MTRF1L: variants seen among roughly 807,000 people sequenced by gnomAD.
MTRF1L encodes the protein mitochondrial translation release factor 1 like.
Under a neutral mutation model 40.0 loss-of-function variants are expected in MTRF1L, and 29 were observed. That is an observed-to-expected ratio of 0.73 (90% CI 0.54 to 0.99). The LOEUF (loss-of-function observed/expected upper bound fraction) is 0.99. MTRF1L is among the 50% of genes least tolerant of loss of function. The probability of loss-of-function intolerance (pLI) is 0.00; values close to 1 mark genes in which losing one functional copy is unlikely to be tolerated. For missense variants in MTRF1L, 412 were observed against 464.5 expected (o/e 0.89, Z 1.04); for synonymous variants, 150 against 175.8 (o/e 0.85, Z 1.16).
intron 2 of MTRF1L, among the ~76,000 whole-genome samples, chr6:152,997,780 A>G (rs180751924): frequency 1.3e-5 from 2 of 152,172 alleles, no homozygotes; most frequent in Non-Finnish European, 2.9e-5. Flanking sequence ...CCTCTCATCA[A>G]ACAGGCAATT....
chr6:153,000,867 AT>A (rs10536494), intron 1 of MTRF1L, among the ~76,000 whole-genome samples: 4,208 of 100,456 alleles, frequency 0.042, 115 homozygotes, highest in African/African-American at 0.13. Flanking sequence ...GGTACTACGG[AT>A]TTTTTTTTTT....
rs1562300593 is a variant in MTRF1L, at chr6:152,994,537, T to C, written c.663A>G (p.Val221=). ...CCTCAGTAGGCTGGGGTAATATTGC[T>C]ACAGTCATGGTGCTAGTATGGACGC... is the stretch of plus-strand genomic sequence containing the variant. ...QGRVHTSTMT[V]AILPQPTEIN... Residue 221 remains valine (V), a synonymous_variant, in exon 4 of 7, where the codon GTA becomes GTG. Transcript: ENST00000367233. The C allele has an allele frequency of 1.9e-6, 3 of 1,611,636 alleles. No homozygotes were observed. Among genetic ancestry groups the C allele is most frequent in the Non-Finnish European group, 2.5e-6 (3 of 1,179,690 alleles).
Position 153,002,416 on chromosome 6 carries a change from C to G in MTRF1L, c.259+11G>C, listed in dbSNP as rs771338565. On this transcript the variant is annotated intron_variant, in intron 1 of 6. Transcript: ENST00000367233. Reference sequence around the variant, plus strand: ...GTGCTCTGACGCCTCTCCCCCGGGCCCGACCCTTACCGTGCAGCAAGTGCT... The same window carrying G: ...GTGCTCTGACGCCTCTCCCCCGGGCGCGACCCTTACCGTGCAGCAAGTGCT... The G allele has an allele frequency of 4.3e-6, 7 of 1,613,972 alleles. No individual in the cohort carries two copies. The highest frequency in any genetic ancestry group is 1.1e-5 in the South Asian group (1 of 91,082).
chr6:152,998,695 G>T, intron 1 of MTRF1L, 66 bp from the exon 2 acceptor site: 2 of 1,100,060 alleles, frequency 1.8e-6, no homozygotes, highest in Admixed American at 2.8e-5. Flanking sequence ...CAGACTTCTA[G>T]GAAATAGTTT....
At chr6:152,991,102 T>TATAC in intron 6 of MTRF1L, 83 bp downstream of exon 6, 1 of 853,828 alleles carries the variant, frequency 1.2e-6, no homozygotes, top group African/African-American at 2.0e-5. Context: ...AACAAATATA[T>TATAC]AAAAACCAAG....
chr6:153,002,601 C>G lies in MTRF1L; in HGVS notation c.85G>C (p.Gly29Arg). 6.5e-7 allele frequency: 1 copy of G among 1,550,118 alleles called. No individual in the cohort carries two copies. Among genetic ancestry groups the G allele is most frequent in the Non-Finnish European group, 8.7e-7 (1 of 1,148,070 alleles). The change falls in exon 1 of 7, where the codon GGT becomes CGT. Residue 29 changes from glycine (G) to arginine (R), a missense_variant. Gly to Arg is a moderately radical substitution (Grantham distance 125). Transcript: ENST00000367233. The part of the protein sequence containing the change: ...VGPARRPLSS[G>R]SPPLEELFTR... Reference sequence around the variant, plus strand: ...AACAGCTCCTCCAGCGGCGGGCTACCGGAGCTCAGGGGCCGGCGGGCTGGG... The same window carrying G: ...AACAGCTCCTCCAGCGGCGGGCTACGGGAGCTCAGGGGCCGGCGGGCTGGG...
chr6:152,992,752 G>A, intron 5 of MTRF1L, 105 bp downstream of exon 5: 2 of 807,296 alleles, frequency 2.5e-6, no homozygotes, highest in East Asian at 2.5e-5. Flanking sequence ...ATCCTTAGAA[G>A]TATATACTTC....
intron 1 of MTRF1L, among the ~76,000 whole-genome samples, chr6:153,001,165 G>A (rs1778903218): frequency 6.6e-6 from 1 of 152,146 alleles, no homozygotes; most frequent in African/African-American, 2.4e-5. Flanking sequence ...GAGCCACCAC[G>A]CCTGGCCAAG....
chr6:152,991,136 A>G (rs1778496807), intron 6 of MTRF1L, 49 bp downstream of exon 6: 1 of 1,265,274 alleles, frequency 7.9e-7, no homozygotes, highest in Non-Finnish European at 1.1e-6. Flanking sequence ...GCTGAGTTAT[A>G]TAAAAATATT....
chr6:152,990,288 T>G (rs1411555650), intron 6 of MTRF1L, 193 bp from the exon 7 acceptor site: 33 of 823,756 alleles, frequency 4.0e-5, no homozygotes, highest in Middle Eastern at 3.7e-4. Context: ...AAAATCAGAT[T>G]AATATCTGAA....
chr6:152,990,412 C>G (rs2236015), intron 6 of MTRF1L: 71,190 of 258,338 alleles, frequency 0.28, 10,144 homozygotes, highest in East Asian at 0.35. Context: ...CACATAGATG[C>G]TATTCCTATA....
At chr6:153,000,388 T>C (rs1190750808) in intron 1 of MTRF1L, among the ~76,000 whole-genome samples, 2 of 152,228 alleles carry the variant, frequency 1.3e-5, no homozygotes, top group African/African-American at 4.8e-5. Context: ...CAATTCAGAC[T>C]AGCCACAAAT....
intron 4 of MTRF1L, among the ~76,000 whole-genome samples, chr6:152,993,662 G>GATGAT (rs1208057373): frequency 6.6e-6 from 1 of 152,198 alleles, no homozygotes. Flanking sequence ...AGAGGAATTA[G>GATGAT]ATGATACATG....
At chr6:152,997,260 A>G (rs1334001708) in intron 2 of MTRF1L, among the ~76,000 whole-genome samples, 2 of 152,322 alleles carry the variant, frequency 1.3e-5, no homozygotes, top group East Asian at 3.9e-4. Context: ...CCCTAATTGA[A>G]GAAGACTGAT....
chr6:153,002,517 A>C lies in MTRF1L; in HGVS notation c.169T>G (p.Leu57Val). The change falls in exon 1 of 7, where the codon TTG (leucine) becomes GTG (valine). Residue 57 changes from leucine to valine, a missense_variant. Transcript: ENST00000367233. ...AGCAACTCGGGCCTCCTGACCTTCA[A>C]ATGGGCTTCAGACCCCGCCTGGCGC... ...LERQAGSEAHLKVRRPELLAV... is the reference protein window; with the variant it reads ...LERQAGSEAHVKVRRPELLAV... 1 of 1,611,848 alleles carries C rather than the reference A, an allele frequency of 6.2e-7. No homozygotes were observed. The highest frequency in any genetic ancestry group is 8.5e-7 in the Non-Finnish European group (1 of 1,179,412).
Position 152,998,613 on chromosome 6 carries a change from T to C in MTRF1L, c.276A>G (p.Leu92=). ...EHLLHDENED[L]RKLAENEITL... ...TGATTTCATTCTCTGCAAGTTTCCT[T>C]AAATCTTCATTCTCATCTAGGAAAA... The change falls in exon 2 of 7, where the codon TTA becomes TTG. Residue 92 remains leucine, a synonymous_variant. Coordinates refer to ENST00000367233, the MANE Select transcript of MTRF1L (RefSeq NM_019041.7). The C allele has an allele frequency of 6.3e-7, 1 of 1,594,978 alleles. No individual in the cohort carries two copies. Among genetic ancestry groups the C allele is most frequent in the Non-Finnish European group, 8.5e-7 (1 of 1,173,124 alleles).
chr6:152,995,193 A>T lies in MTRF1L; in HGVS notation c.466T>A (p.Tyr156Asn), dbSNP rs1385912343. ...AAATGCCATCTTTTAAATGCAGCAT[A>T]TTGCTGATACATATCAAATATCTCT... ...TSEIFDMYQQ[Y>N]AAFKRWHFET... is the part of the protein sequence containing the mutation. Residue 156 changes from tyrosine (Y) to asparagine (N), a missense_variant, in exon 3 of 7, where the codon TAT becomes AAT. Coordinates refer to ENST00000367233, the MANE Select transcript of MTRF1L (RefSeq NM_019041.7). 3 of 1,609,152 alleles carry T rather than the reference A, an allele frequency of 1.9e-6. No individual in the cohort carries two copies. In the South Asian group the frequency reaches 3.3e-5, roughly 18 times the overall value.
chr6:152,993,806 T>A (rs1368670885), intron 4 of MTRF1L, among the ~76,000 whole-genome samples: 1 of 152,220 alleles, frequency 6.6e-6, no homozygotes, highest in Admixed American at 6.5e-5. Flanking sequence ...TTCTCACCTA[T>A]GCTTCACACA....
In MTRF1L at chr6:152,989,312, A is replaced by G; in HGVS notation, c.*583T>C. 1 of 68,142 alleles carries G rather than the reference A, an allele frequency of 1.5e-5. No individual in the cohort carries two copies. Among genetic ancestry groups the G allele is most frequent in the East Asian group, 2.8e-4 (1 of 3,524 alleles). The allele number at this position is 68,142 out of a possible 1,614,324, so 4.2% of individuals were successfully genotyped here. A position where few individuals can be genotyped will look rare whatever the true frequency, so the allele number is the denominator to read the frequency against. On this transcript the variant is annotated 3_prime_UTR_variant, in exon 7 of 7. Coordinates refer to ENST00000367233, the MANE Select transcript of MTRF1L (RefSeq NM_019041.7). The stretch of plus-strand genomic sequence containing the variant: ...CAGTATTTACTGTCTTATTTCTACT[A>G]CTTTATGTTTAAAGTTTTTCATAAT...
Sources: gnomAD v4.1 joint callset for allele counts (sites outside exome capture counted in the v4.1 genomes callset) on GRCh38, gnomAD v4.1.1 for gene constraint, MANE v1.5 for transcripts, NCBI Gene and HGNC (gene_info 2026-07-23, HGNC 2026-07-21) for gene names.